The following ERN2 variants were observed in gnomAD, a reference collection of about 807,000 sequenced individuals.
ERN2 encodes the protein endoplasmic reticulum to nucleus signaling 2.
In ERN2, 111 loss-of-function variants were observed where a neutral mutation model predicts 107.9. The ratio of observed to expected loss-of-function variants is 1.03; its 90% CI spans 0.88 to 1.20. ERN2 has a LOEUF of 1.20. ERN2 is among the 50% of genes most tolerant of loss of function. The probability of loss-of-function intolerance (pLI) is 0.00; values close to 1 mark genes in which losing one functional copy is unlikely to be tolerated. For synonymous variants in ERN2, 524 were observed against 501.7 expected (o/e 1.04, Z -0.59); for missense variants, 1,225 against 1,197.9 (o/e 1.02, Z -0.33).
intron 17 of ERN2, among the ~76,000 whole-genome samples, chr16:23,693,362 G>A (rs1031146967): frequency 3.3e-5 from 5 of 152,022 alleles, no homozygotes; most frequent in African/African-American, 1.2e-4. Flanking sequence ...CGAGGTAGGT[G>A]AATCACCTGA....
At chr16:23,700,439 C>T in intron 13 of ERN2, 100 bp downstream of exon 13, 1 of 1,206,332 alleles carries the variant, frequency 8.3e-7, no homozygotes, top group Non-Finnish European at 1.2e-6. Flanking sequence ...TAGACCTAAC[C>T]ACCCCACTAT....
chr16:23,713,034 C>G, intron 1 of ERN2, 61 bp downstream of exon 1: 1 of 1,320,336 alleles, frequency 7.6e-7, no homozygotes. Flanking sequence ...CCAAGTGCGA[C>G]GCCGCCCCCT....
intron 4 of ERN2, chr16:23,709,467 GA>G (rs1440774701): frequency 4.3e-6 from 1 of 230,338 alleles, no homozygotes; most frequent in Non-Finnish European, 8.8e-6. Context: ...CTTCCATAAA[GA>G]GATGGAATCT....
intron 15 of ERN2, 36 bp from the exon 16 acceptor site, chr16:23,695,154 G>A: frequency 6.2e-7 from 1 of 1,613,418 alleles, no homozygotes; most frequent in East Asian, 2.2e-5. Flanking sequence ...TCACTCTCCA[G>A]CCCGGACCTT....
intron 17 of ERN2, among the ~76,000 whole-genome samples, chr16:23,694,303 A>G (rs1959713880): frequency 6.6e-6 from 1 of 152,122 alleles, no homozygotes; most frequent in Non-Finnish European, 1.5e-5. Context: ...GGCAATGGGC[A>G]TTCTTTTTTT....
rs146899801 is a variant in ERN2 at position 23,708,659 on chromosome 16, G to A, written c.306+1513C>T. 3.5e-4 allele frequency among the ~76,000 whole-genome samples: 54 copies of A among 152,232 alleles called. No individual in the cohort carries two copies. In the East Asian group the frequency reaches 0.01, roughly 29 times the overall value. On this transcript the variant is annotated intron_variant, in intron 4 of 21. Coordinates refer to ENST00000256797, the MANE Select transcript of ERN2 (RefSeq NM_033266.4). ...AGGCATAAGCCACCGTGCCCAGCCA[G>A]TGCTGTTCTTGTAATAGAGTTCTCA...
chr16:23,709,204 G>A (rs74352731), intron 4 of ERN2: 25 of 455,566 alleles, frequency 5.5e-5, no homozygotes, highest in East Asian at 1.4e-4. Flanking sequence ...ACTGAGGTGC[G>A]AGGATTGCTT....
intron 8 of ERN2, among the ~76,000 whole-genome samples, chr16:23,703,091 C>G (rs3760108): frequency 0.68 from 103,242 of 151,638 alleles, 36,103 homozygotes; most frequent in African/African-American, 0.82. Context: ...CCCACCCCAG[C>G]TGACCCACAG....
chr16:23,703,176 C>T (rs1960159658), intron 8 of ERN2, among the ~76,000 whole-genome samples: 1 of 152,168 alleles, frequency 6.6e-6, no homozygotes, highest in East Asian at 1.9e-4. Context: ...CTAAAGCTAG[C>T]TGATACATGT....
intron 4 of ERN2, 103 bp downstream of exon 4, chr16:23,710,069 T>C: frequency 1.3e-6 from 1 of 789,362 alleles, no homozygotes; most frequent in Non-Finnish European, 2.2e-6. Context: ...TTATATCCTC[T>C]GCAGAACAGG....
At chr16:23,712,890 C>G in intron 1 of ERN2, 2 of 534,568 alleles carry the variant, frequency 3.7e-6, no homozygotes, top group Non-Finnish European at 3.3e-6. Context: ...GGCAGATCTC[C>G]CCAGCTAGGT....
chr16:23,690,753 C>CATGGCGGTCTTTT lies in ERN2; in HGVS notation c.*77_*78insAAAAGACCGCCAT. ...TACAGGTGTGAGCCACTGCACCCAG[C>CATGGCGGTCTTTT]CTGATTCTGAGGCCAGCCACAGGCT... is the stretch of plus-strand genomic sequence containing the variant. On this transcript the variant is annotated 3_prime_UTR_variant, in exon 22 of 22. Transcript: ENST00000256797. 1 of 1,213,118 alleles carries CATGGCGGTCTTTT rather than the reference C, an allele frequency of 8.2e-7. No individual in the cohort carries two copies. Among genetic ancestry groups the CATGGCGGTCTTTT allele is most frequent in the Non-Finnish European group, 1.2e-6 (1 of 853,144 alleles). 75.1% of individuals were successfully genotyped at this position (1,213,118 alleles called of 1,614,324 possible). A position where few individuals can be genotyped will look rare whatever the true frequency, so the allele number is the denominator to read the frequency against.
chr16:23,692,734 GT>G (rs35790259), intron 17 of ERN2, among the ~76,000 whole-genome samples: 45,721 of 148,498 alleles, frequency 0.31, 7,067 homozygotes, highest in East Asian at 0.45. Flanking sequence ...AGCTGATTTT[GT>G]TTTTTTTTTT....
chr16:23,710,650 A>C (rs1734189143), intron 2 of ERN2, 101 bp from the exon 3 acceptor site: 4 of 1,345,442 alleles, frequency 3.0e-6, no homozygotes, highest in Non-Finnish European at 4.3e-6. Flanking sequence ...GATGTCAAGC[A>C]CTTGGTGTGA....
intron 21 of ERN2, 40 bp downstream of exon 21, chr16:23,691,088 GC>G (rs1308016593): frequency 6.2e-7 from 1 of 1,613,874 alleles, no homozygotes; most frequent in East Asian, 2.2e-5. Flanking sequence ...CTGCGGCCAG[GC>G]CTTCCCAAGA....
At chr16:23,712,060 G>A (rs568980805) in intron 1 of ERN2, 7 of 453,416 alleles carry the variant, frequency 1.5e-5, no homozygotes, top group African/African-American at 2.0e-5. Flanking sequence ...CCTAACATCC[G>A]GGTGGCCCAG....
chr16:23,690,897 G>A lies in ERN2; in HGVS notation c.2715C>T (p.Leu905=). The change falls in exon 22 of 22, where the codon CTC becomes CTT. Residue 905 remains leucine (L), a synonymous_variant. Transcript: ENST00000256797. The part of the protein sequence containing the change: ...RAMRSCASES[L]FLPYYPPDSE... ...AGTCTGGCGGGTAGTAGGGCAGGAA[G>A]AGGCTCTCAGAGGCGCAGCTCCTCA... 7.4e-6 allele frequency: 12 copies of A among 1,614,086 alleles called. No homozygotes were observed. Among genetic ancestry groups the A allele is most frequent in the Non-Finnish European group, 1.0e-5 (12 of 1,180,052 alleles).
At chr16:23,703,596 C>T (rs1960180719) in intron 8 of ERN2, among the ~76,000 whole-genome samples, 1 of 152,210 alleles carries the variant, frequency 6.6e-6, no homozygotes, top group Non-Finnish European at 1.5e-5. Context: ...TAAATCACTT[C>T]CTTCCTTAAA....
chr16:23,698,968 A>G, intron 13 of ERN2, among the ~76,000 whole-genome samples: 1 of 152,350 alleles, frequency 6.6e-6, no homozygotes, highest in African/African-American at 2.4e-5. Flanking sequence ...GAGGACTTTG[A>G]CAAGAATGAT....
Sources: allele counts gnomAD v4.1 joint callset (sites outside exome capture counted in the v4.1 genomes callset), GRCh38; gene constraint gnomAD v4.1.1; transcripts MANE v1.5; gene names NCBI Gene and HGNC (gene_info 2026-07-23, HGNC 2026-07-21).